Variants in HSF5 observed in about 807,000 individuals in gnomAD.
HSF5 encodes the protein heat shock factor protein 5.
A neutral mutation model predicts 50.8 loss-of-function variants in HSF5; 5 were observed. That is an observed-to-expected ratio of 0.10 (90% CI 0.05 to 0.21). HSF5 has a LOEUF of 0.21. HSF5 is among the 10% of genes least tolerant of loss of function. The pLI, the probability that HSF5 is intolerant of heterozygous loss-of-function variation, is 1.00. For synonymous variants in HSF5, 307 were observed against 307.4 expected (o/e 1.00, Z 0.02); for missense variants, 564 against 762.6 (o/e 0.74, Z 3.07).
intron 5 of HSF5, among the ~76,000 whole-genome samples, chr17:58,435,149 G>A (rs960406081): frequency 1.3e-5 from 2 of 152,186 alleles, no homozygotes; most frequent in African/African-American, 4.8e-5. Context: ...TGTTGGAAAC[G>A]GAGCAGAGAG....
chr17:58,432,684 CAT>C (rs56800313), intron 5 of HSF5, among the ~76,000 whole-genome samples: 3 of 151,292 alleles, frequency 2.0e-5, no homozygotes, highest in Admixed American at 6.6e-5. Context: ...TTTTCTTCTA[CAT>C]ATATATATAT....
chr17:58,430,061 TTTTTG>T (rs1249724997), intron 5 of HSF5, among the ~76,000 whole-genome samples: 2 of 151,810 alleles, frequency 1.3e-5, no homozygotes, highest in East Asian at 1.9e-4. Flanking sequence ...TTTTTTACTG[TTTTTG>T]TTTTGTTTTG....
At chr17:58,482,440 G>A (rs1056722830) in intron 1 of HSF5, among the ~76,000 whole-genome samples, 3 of 151,952 alleles carry the variant, frequency 2.0e-5, no homozygotes, top group African/African-American at 7.3e-5. Context: ...CAGGTACGGT[G>A]GCTCACACTT....
chr17:58,453,646 C>T (rs1347757062), intron 5 of HSF5, among the ~76,000 whole-genome samples: 1 of 151,452 alleles, frequency 6.6e-6, no homozygotes, highest in African/African-American at 2.4e-5. Context: ...TTAAAAAGAT[C>T]ATTCACCATA....
chr17:58,473,120 C>A (rs777309197), intron 2 of HSF5, among the ~76,000 whole-genome samples: 2 of 152,070 alleles, frequency 1.3e-5, no homozygotes, highest in South Asian at 4.1e-4. Flanking sequence ...TGTTTCCAAG[C>A]CCACAGCTTC....
At chr17:58,477,682 G>A (rs186540722) in intron 2 of HSF5, among the ~76,000 whole-genome samples, 2,827 of 151,872 alleles carry the variant, frequency 0.019, 76 homozygotes, top group African/African-American at 0.063. Context: ...GGATGGTCTC[G>A]ATCTCCTGAC....
intron 2 of HSF5, among the ~76,000 whole-genome samples, chr17:58,477,210 C>T (rs1353665579): frequency 6.6e-6 from 1 of 150,732 alleles, no homozygotes; most frequent in Admixed American, 6.6e-5. Flanking sequence ...ACCTCCGCCT[C>T]CCAGATTCAA....
rs1975062329 is a variant in HSF5, at chr17:58,478,907, A to C, written c.925+986T>G. Among the ~76,000 whole-genome samples, 2 of 151,316 alleles carry C rather than the reference A, an allele frequency of 1.3e-5. 1 individual carries two copies. Among genetic ancestry groups the C allele is most frequent in the Admixed American group, 1.3e-4 (2 of 15,178 alleles). On this transcript the variant is annotated intron_variant, in intron 2 of 5. Transcript: ENST00000323777. ...AGAGAAGAAAAGAAAAGAAGAAAAC[A>C]CAACTTTTTTTTTTCCCCAAGAAGC...
intron 2 of HSF5, among the ~76,000 whole-genome samples, chr17:58,478,999 A>G (rs952534392): frequency 6.6e-6 from 1 of 151,922 alleles, no homozygotes; most frequent in African/African-American, 2.4e-5. Flanking sequence ...GCGTGTTCTC[A>G]ATGCCCTTGC....
At chr17:58,453,798 C>T (rs966001530) in intron 5 of HSF5, among the ~76,000 whole-genome samples, 5 of 151,672 alleles carry the variant, frequency 3.3e-5, no homozygotes, top group African/African-American at 1.2e-4. Context: ...CAGTAAAATT[C>T]AACATCCTGG....
At chr17:58,456,909 G>A (rs1974719286) in intron 5 of HSF5, among the ~76,000 whole-genome samples, 1 of 152,104 alleles carries the variant, frequency 6.6e-6, no homozygotes, top group Non-Finnish European at 1.5e-5. Context: ...GACTGCTTGA[G>A]CCTAGGAGTG....
chr17:58,449,218 G>C (rs1332646923), intron 5 of HSF5, among the ~76,000 whole-genome samples: 1 of 152,150 alleles, frequency 6.6e-6, no homozygotes, highest in Non-Finnish European at 1.5e-5. Flanking sequence ...CAGTAAGAAA[G>C]GAAGAAAGGA....
intron 3 of HSF5, among the ~76,000 whole-genome samples, chr17:58,465,782 A>G (rs1974858048): frequency 6.6e-6 from 1 of 152,196 alleles, no homozygotes; most frequent in African/African-American, 2.4e-5. Flanking sequence ...AAAAATACAA[A>G]GCATGGAATT....
At chr17:58,452,682 A>G (rs1010047289) in intron 5 of HSF5, among the ~76,000 whole-genome samples, 2 of 152,172 alleles carry the variant, frequency 1.3e-5, no homozygotes, top group African/African-American at 2.4e-5. Flanking sequence ...TCACCGCACC[A>G]TCTGGGAAGT....
chr17:58,486,902 C>CTT (rs11351236), intron 1 of HSF5, among the ~76,000 whole-genome samples: 409 of 79,860 alleles, frequency 5.1e-3, no homozygotes, highest in Non-Finnish European at 6.3e-3. Flanking sequence ...TAAGTTCTCT[C>CTT]TTTTTTTTTT....
At chr17:58,459,073 C>A in intron 4 of HSF5, 128 bp from the exon 5 acceptor site, 1 of 771,600 alleles carries the variant, frequency 1.3e-6, no homozygotes, top group South Asian at 1.8e-5. Flanking sequence ...GCTTTTCATT[C>A]TTATTATTGA....
At position 58,476,793 on chromosome 17, in the gene HSF5, T is replaced by C. The variant is rs1367316594; in HGVS notation, c.925+3100A>G. 32 of 1,594,178 alleles carry C rather than the reference T, an allele frequency of 2.0e-5. 1 individual carries two copies. In the Middle Eastern group the frequency reaches 2.0e-3, roughly 101 times the overall value. On this transcript the variant is annotated intron_variant, in intron 2 of 5. Coordinates refer to ENST00000323777, the MANE Select transcript of HSF5 (RefSeq NM_001080439.3). ...TTATATTTCTGTTCTACTTTCAAAA[T>C]CTCCTCACTGGCTTGTTCATTAAGT...
At chr17:58,434,942 GA>G (rs1974407398) in intron 5 of HSF5, among the ~76,000 whole-genome samples, 1 of 152,218 alleles carries the variant, frequency 6.6e-6, no homozygotes, top group African/African-American at 2.4e-5. Context: ...CACCAAAGGG[GA>G]CAGGATTCTG....
intron 5 of HSF5, among the ~76,000 whole-genome samples, chr17:58,455,721 C>T (rs2143770178): frequency 6.6e-6 from 1 of 152,162 alleles, no homozygotes; most frequent in Admixed American, 6.5e-5. Flanking sequence ...AAATGACCAA[C>T]AGATATATGG....
Sources: allele counts gnomAD v4.1 joint callset (sites outside exome capture counted in the v4.1 genomes callset), GRCh38; gene constraint gnomAD v4.1.1; transcripts MANE v1.5; gene names NCBI Gene and HGNC (gene_info 2026-07-23, HGNC 2026-07-21).